Variants in TOP6BL observed in about 807,000 individuals in gnomAD.
TOP6BL encodes TOP6B like initiator of meiotic double strand breaks.
At chr11:66,842,886 G>T in the TOP6BL span, 2 of 1,575,790 alleles carry the variant, frequency 1.3e-6, no homozygotes, top group East Asian at 4.7e-5. Flanking sequence ...GGCTCAAGAG[G>T]GGCAGCCCCC....
the TOP6BL span, among the ~76,000 whole-genome samples, chr11:66,840,524 A>G: frequency 6.6e-6 from 1 of 151,792 alleles, no homozygotes; most frequent in Non-Finnish European, 1.5e-5. Flanking sequence ...TCAGAAGAAA[A>G]TCTCCCGTGA....
the TOP6BL span, among the ~76,000 whole-genome samples, chr11:66,830,669 G>T: frequency 6.6e-6 from 1 of 152,036 alleles, no homozygotes; most frequent in East Asian, 1.9e-4. Flanking sequence ...TAAAAAGAAT[G>T]AACACAAATT....
chr11:66,820,552 G>A, the TOP6BL span, among the ~76,000 whole-genome samples: 1 of 152,162 alleles, frequency 6.6e-6, no homozygotes, highest in Non-Finnish European at 1.5e-5. Context: ...GGTGCCTGTG[G>A]TTACTTTAAC....
At chr11:66,787,295 GA>G in the TOP6BL span, among the ~76,000 whole-genome samples, 4 of 152,110 alleles carry the variant, frequency 2.6e-5, no homozygotes. Flanking sequence ...AACATTATGA[GA>G]TATGTAGCAT....
At chr11:66,761,112 C>G in the TOP6BL span, among the ~76,000 whole-genome samples, 12 of 152,158 alleles carry the variant, frequency 7.9e-5, no homozygotes, top group African/African-American at 2.9e-4. Context: ...TGGCTCACGC[C>G]TGTAATCCCA....
At chr11:66,780,058 T>C in the TOP6BL span, among the ~76,000 whole-genome samples, 6 of 151,480 alleles carry the variant, frequency 4.0e-5, no homozygotes, top group African/African-American at 1.5e-4. Context: ...TACCTAATGT[T>C]AAATGGCGAG....
chr11:66,797,824 A>C, the TOP6BL span, among the ~76,000 whole-genome samples: 55 of 152,266 alleles, frequency 3.6e-4, no homozygotes, highest in African/African-American at 1.0e-3. Context: ...TTTTGATAGA[A>C]TATTTTGAAT....
chr11:66,767,307 T>C, the TOP6BL span, among the ~76,000 whole-genome samples: 1 of 152,222 alleles, frequency 6.6e-6, no homozygotes, highest in Admixed American at 6.5e-5. Flanking sequence ...TGTATACTTA[T>C]CCATTTATAT....
the TOP6BL span, among the ~76,000 whole-genome samples, chr11:66,778,485 A>G: frequency 1.3e-5 from 2 of 152,112 alleles, no homozygotes; most frequent in Non-Finnish European, 1.5e-5. Flanking sequence ...TATAAAATTT[A>G]TATGGAAAGA....
the TOP6BL span, chr11:66,843,240 G>T: frequency 1.9e-6 from 3 of 1,608,036 alleles, no homozygotes; most frequent in African/African-American, 4.0e-5. Flanking sequence ...CCTGAGCCGG[G>T]TCCCCTTCCG....
chr11:66,807,095 T>C, the TOP6BL span, among the ~76,000 whole-genome samples: 2 of 152,074 alleles, frequency 1.3e-5, no homozygotes, highest in African/African-American at 4.8e-5. Context: ...AACAAAGTAG[T>C]AGAGAATGAT....
At chr11:66,815,120 G>T in the TOP6BL span, among the ~76,000 whole-genome samples, 2 of 152,192 alleles carry the variant, frequency 1.3e-5, no homozygotes, top group South Asian at 4.1e-4. Flanking sequence ...GGATGGGGCA[G>T]TATCTTAGAG....
chr11:66,789,959 G>A, the TOP6BL span, among the ~76,000 whole-genome samples: 11 of 152,206 alleles, frequency 7.2e-5, no homozygotes, highest in African/African-American at 2.2e-4. Context: ...CTATCTGTAG[G>A]TACAGTGTCT....
the TOP6BL span, among the ~76,000 whole-genome samples, chr11:66,795,587 C>T: frequency 6.6e-6 from 1 of 152,134 alleles, no homozygotes; most frequent in African/African-American, 2.4e-5. Flanking sequence ...CAGGCATAAG[C>T]TAACACGCCC....
the TOP6BL span, among the ~76,000 whole-genome samples, chr11:66,808,725 T>C: frequency 9.6e-4 from 146 of 152,288 alleles, no homozygotes; most frequent in South Asian, 5.0e-3. Flanking sequence ...AAGTACAACT[T>C]AAGTGAATTT....
At chr11:66,791,257 T>C in the TOP6BL span, among the ~76,000 whole-genome samples, 9 of 152,250 alleles carry the variant, frequency 5.9e-5, no homozygotes, top group Admixed American at 2.6e-4. Context: ...AGGAGAGATA[T>C]TGGGTTTTGT....
chr11:66,773,568 A>G, the TOP6BL span, among the ~76,000 whole-genome samples: 1 of 152,042 alleles, frequency 6.6e-6, no homozygotes, highest in South Asian at 2.1e-4. Context: ...GGCTAGAACC[A>G]GGTTCTTCCT....
chr11:66,753,463 G>T, the TOP6BL span, among the ~76,000 whole-genome samples: 1 of 147,784 alleles, frequency 6.8e-6, no homozygotes, highest in African/African-American at 2.5e-5. Flanking sequence ...CTGGAGTGCA[G>T]TGGCATGATC....
the TOP6BL span, among the ~76,000 whole-genome samples, chr11:66,826,854 G>T: frequency 6.9e-6 from 1 of 144,478 alleles, no homozygotes; most frequent in African/African-American, 2.6e-5. Context: ...GGCTAATTTT[G>T]TATTTTTTAG....
Sources: allele counts gnomAD v4.1 joint callset (sites outside exome capture counted in the v4.1 genomes callset), GRCh38; gene constraint gnomAD v4.1.1; transcripts MANE v1.5; gene names NCBI Gene and HGNC (gene_info 2026-07-23, HGNC 2026-07-21).